The following WDR27 variants were observed in gnomAD, a reference collection of about 807,000 sequenced individuals.
The protein encoded by WDR27 is WD repeat-containing protein 27.
Under a neutral mutation model 114.4 loss-of-function variants are expected in WDR27, and 100 were observed. The ratio of observed to expected loss-of-function variants is 0.87; its 90% CI spans 0.74 to 1.03. The LOEUF (loss-of-function observed/expected upper bound fraction) is 1.03, where lower values mean the gene tolerates loss of function less well. Ranked by LOEUF, WDR27 falls within the 50% of genes least tolerant of loss-of-function variation. The pLI is 0.00. For missense variants in WDR27, 1,129 were observed against 1,092.9 expected, an observed-to-expected ratio of 1.03 and a Z score of -0.47; for synonymous variants, 449 against 423.1, an observed-to-expected ratio of 1.06 and a Z score of -0.75.
Position 169,575,406 on chromosome 6 carries a change from A to ATCCG in WDR27, c.2524-2867_2524-2866insCGGA, listed in dbSNP as rs1292743464. Among the ~76,000 whole-genome samples, 22 of 90,318 alleles carry ATCCG rather than the reference A, an allele frequency of 2.4e-4. 1 individual carries two copies. In the South Asian group the frequency reaches 7.9e-3, roughly 32 times the overall value. 59.3% of individuals were successfully genotyped at this position (90,318 alleles called of 152,430 possible). On this transcript the variant is annotated intron_variant, in intron 24 of 25. Transcript: ENST00000448612. ...CCTCCCTCTCTCCATCCATCCATCC[A>ATCCG]TCCATCCATCCATCCATCCACCCAC...
At chr6:169,492,282 A>G (rs1789871251) in intron 25 of WDR27, among the ~76,000 whole-genome samples, 1 of 152,060 alleles carries the variant, frequency 6.6e-6, no homozygotes, top group African/African-American at 2.4e-5. Flanking sequence ...GAAGTAACTC[A>G]ATGAAATATA....
intron 17 of WDR27, 139 bp from the exon 18 acceptor site, chr6:169,638,799 C>A: frequency 9.6e-7 from 1 of 1,037,594 alleles, no homozygotes; most frequent in Non-Finnish European, 1.4e-6. Flanking sequence ...GGAGGCTTCT[C>A]CTCGCCACAG....
chr6:169,538,073 G>A (rs1435519287), intron 25 of WDR27, among the ~76,000 whole-genome samples: 3 of 152,130 alleles, frequency 2.0e-5, no homozygotes, highest in African/African-American at 7.2e-5. Context: ...TAAGCCGTGA[G>A]CTGACAACTG....
chr6:169,562,991 C>T (rs1445481606), intron 25 of WDR27, among the ~76,000 whole-genome samples: 6 of 152,158 alleles, frequency 3.9e-5, no homozygotes, highest in Middle Eastern at 3.4e-3. Context: ...GGGGAATGCC[C>T]GGAGCAAATG....
At position 169,582,900 on chromosome 6, in the gene WDR27, G is replaced by T. The variant is rs199520119; in HGVS notation, c.2459C>A (p.Ser820Tyr). Residue 820 changes from serine to tyrosine, a missense_variant, in exon 24 of 26, where the codon TCT (serine) becomes TAT (tyrosine). Ser to Tyr is a moderately radical substitution (Grantham distance 144, BLOSUM62 -2). Transcript: ENST00000448612. ...GTCTGTGTGCCCAGCCAGCCGGTGA[G>T]AAAACGTGCTTGAGCCCATTTCATA... is the stretch of plus-strand genomic sequence containing the variant. ...YVYEMGSSTFSHRLAGHTDTV... is the reference protein window; with the variant it reads ...YVYEMGSSTFYHRLAGHTDTV... The T allele has an allele frequency of 2.3e-4, 379 of 1,613,964 alleles. 3 individuals carry two copies. In the African/African-American group the frequency reaches 4.7e-3, roughly 20 times the overall value.
intron 25 of WDR27, among the ~76,000 whole-genome samples, chr6:169,495,127 G>C (rs1790236176): frequency 6.6e-6 from 1 of 152,184 alleles, no homozygotes; most frequent in African/African-American, 2.4e-5. Flanking sequence ...GTAGGTGATA[G>C]ATGGTAGACA....
intron 25 of WDR27, among the ~76,000 whole-genome samples, chr6:169,516,582 A>G (rs1793672215): frequency 6.6e-6 from 1 of 152,126 alleles, no homozygotes. Flanking sequence ...TGTACAAACC[A>G]AAAACCTTGA....
At chr6:169,507,059 A>T (rs1398424293) in intron 25 of WDR27, among the ~76,000 whole-genome samples, 3 of 152,244 alleles carry the variant, frequency 2.0e-5, no homozygotes, top group African/African-American at 7.2e-5. Flanking sequence ...ATTACTTTCA[A>T]TTGTGTAATG....
intron 23 of WDR27, among the ~76,000 whole-genome samples, chr6:169,587,010 T>G (rs554911300): frequency 6.6e-6 from 1 of 151,998 alleles, no homozygotes; most frequent in Non-Finnish European, 1.5e-5. Flanking sequence ...CTCAGTTTTA[T>G]GGATAAGGAC....
At chr6:169,578,239 G>A (rs1802775543) in intron 24 of WDR27, among the ~76,000 whole-genome samples, 1 of 152,192 alleles carries the variant, frequency 6.6e-6, no homozygotes, top group Admixed American at 6.5e-5. Flanking sequence ...TGCGTTAGGT[G>A]AGAGGTCAGC....
chr6:169,480,149 C>T (rs1008077786), intron 25 of WDR27, among the ~76,000 whole-genome samples: 17 of 152,354 alleles, frequency 1.1e-4, no homozygotes, highest in African/African-American at 3.1e-4. Context: ...CCGGTGCCAC[C>T]GGCCCCAGGC....
At chr6:169,647,296 G>T (rs533548978) in intron 16 of WDR27, among the ~76,000 whole-genome samples, 1 of 152,326 alleles carries the variant, frequency 6.6e-6, no homozygotes, top group Admixed American at 6.5e-5. Flanking sequence ...AAAAGGTCCC[G>T]GCTGAGGGTC....
At chr6:169,669,158 A>G (rs925715891) in intron 4 of WDR27, among the ~76,000 whole-genome samples, 1 of 152,248 alleles carries the variant, frequency 6.6e-6, no homozygotes, top group African/African-American at 2.4e-5. Context: ...AGTGCCTTTT[A>G]CCAGGAAATG....
chr6:169,592,563 ATTATT>A (rs1805955702), intron 23 of WDR27, among the ~76,000 whole-genome samples: 1 of 152,074 alleles, frequency 6.6e-6, no homozygotes, highest in Non-Finnish European at 1.5e-5. Flanking sequence ...CTTTCACTTA[ATTATT>A]TTATTGTTCA....
chr6:169,607,648 G>A (rs1396472844), intron 22 of WDR27, among the ~76,000 whole-genome samples: 1 of 152,118 alleles, frequency 6.6e-6, no homozygotes, highest in Non-Finnish European at 1.5e-5. Flanking sequence ...GGAAGGGGAT[G>A]CAGGAAGAAA....
At chr6:169,615,038 G>A (rs1011770580) in intron 21 of WDR27, among the ~76,000 whole-genome samples, 1 of 152,038 alleles carries the variant, frequency 6.6e-6, no homozygotes, top group African/African-American at 2.4e-5. Context: ...CCAATAGAGG[G>A]TGAGGAAGAA....
At chr6:169,649,693 G>C (rs940329864) in intron 14 of WDR27, among the ~76,000 whole-genome samples, 7 of 151,944 alleles carry the variant, frequency 4.6e-5, no homozygotes, top group Non-Finnish European at 1.0e-4. Flanking sequence ...TGCCATTGGA[G>C]CAGAATTCAT....
chr6:169,605,854 G>A (rs1315977686), intron 22 of WDR27, among the ~76,000 whole-genome samples: 3 of 151,938 alleles, frequency 2.0e-5, no homozygotes, highest in African/African-American at 4.8e-5. Flanking sequence ...TCAACAATGG[G>A]GAAAGGACAC....
chr6:169,689,074 C>T (rs41265389), intron 1 of WDR27, 62 bp from the exon 2 acceptor site: 273,151 of 1,206,546 alleles, frequency 0.23, 34,144 homozygotes, highest in Non-Finnish European at 0.26. Flanking sequence ...GAAAAAAAGT[C>T]TATTACCTAC....
Sources: allele counts gnomAD v4.1 joint callset (sites outside exome capture counted in the v4.1 genomes callset), GRCh38; gene constraint gnomAD v4.1.1; transcripts MANE v1.5; gene names NCBI Gene and HGNC (gene_info 2026-07-23, HGNC 2026-07-21).